LARP6: variants seen among roughly 807,000 people sequenced by gnomAD.
LARP6 encodes la-related protein 6.
Under a neutral mutation model 32.8 loss-of-function variants are expected in LARP6, and 18 were observed. That is an observed-to-expected ratio of 0.55 (90% CI 0.38 to 0.81). LARP6 has a LOEUF of 0.81. LARP6 is among the 40% of genes least tolerant of loss of function. The pLI is 0.00. For synonymous variants in LARP6, 289 were observed against 267.2 expected, an observed-to-expected ratio of 1.08 and a Z score of -0.80; for missense variants, 598 against 663.1, an observed-to-expected ratio of 0.90 and a Z score of 1.08.
Position 70,832,161 on chromosome 15 carries a change from C to A in LARP6, c.1367G>T (p.Arg456Leu), listed in dbSNP as rs1166055685. The change falls in exon 3 of 3, where the codon CGG becomes CTG. Residue 456 changes from arginine to leucine, a missense_variant. This residue lies in a region of LARP6 where 368 missense variants were observed against 397.9 expected (regional missense o/e 0.92). Transcript: ENST00000299213. The stretch of plus-strand genomic sequence containing the variant: ...TAGCCCATCTGCAGTCTGCATCTTC[C>A]GGGAGAGCAGGGGACTCGTACCGGG... ...KSPGTSPLLS[R>L]KMQTADGLPV... is the part of the protein sequence containing the mutation. The A allele has an allele frequency of 6.2e-7, 1 of 1,613,332 alleles. No individual in the cohort carries two copies.
intron 1 of LARP6, among the ~76,000 whole-genome samples, chr15:70,837,048 A>G (rs1430095927): frequency 6.6e-6 from 1 of 152,144 alleles, no homozygotes; most frequent in East Asian, 1.9e-4. Context: ...TAAGAAGTCA[A>G]TCTTTCATTT....
chr15:70,849,783 G>T (rs1358027386), intron 1 of LARP6: 1 of 152,138 alleles, frequency 6.6e-6, no homozygotes, highest in Non-Finnish European at 1.5e-5. Flanking sequence ...ATAAGCTTGA[G>T]GAAGAGCCCT....
chr15:70,841,236 T>TCTAATGCTTATTCCA (rs2032253032), intron 1 of LARP6, among the ~76,000 whole-genome samples: 1 of 152,156 alleles, frequency 6.6e-6, no homozygotes. Context: ...TCTCAATCTC[T>TCTAATGCTTATTCCA]CTAATGCTTA....
In LARP6 at chr15:70,830,689, G is replaced by T. The variant is rs1205645114; in HGVS notation, c.*1363C>A. 2 of 152,298 alleles carry T rather than the reference G, an allele frequency of 1.3e-5. No homozygotes were observed. Among genetic ancestry groups the T allele is most frequent in the East Asian group, 3.9e-4 (2 of 5,182 alleles). The allele number at this position is 152,298 out of a possible 1,614,324, so 9.4% of individuals were successfully genotyped here. ...GGGCAGATTAAATGAGATAATGCAT[G>T]GAAAGCTCTTAGCATAGTCCCTGGC... On this transcript the variant is annotated 3_prime_UTR_variant, in exon 3 of 3. Coordinates refer to ENST00000299213, the MANE Select transcript of LARP6 (RefSeq NM_018357.4).
chr15:70,849,496 C>T (rs2032409324), intron 1 of LARP6: 1 of 152,206 alleles, frequency 6.6e-6, no homozygotes, highest in Admixed American at 6.5e-5. Context: ...TTTCTAAATA[C>T]TTTCTTACTG....
chr15:70,832,122 A>T lies in LARP6; in HGVS notation c.1406T>A (p.Leu469Gln). 1 of 1,597,470 alleles carries T rather than the reference A, an allele frequency of 6.3e-7. No homozygotes were observed. ...QTADGLPVGV[L>Q]RLPRGPDNTR... Reference sequence around the variant, plus strand: ...GTTGTCAGGACCCCTGGGCAACCTCAGCACCCCTACGGGTAGCCCATCTGC... The same window carrying T: ...GTTGTCAGGACCCCTGGGCAACCTCTGCACCCCTACGGGTAGCCCATCTGC... The change falls in exon 3 of 3, where the codon CTG becomes CAG. Residue 469 changes from leucine to glutamine, a missense_variant. By Grantham distance (113) the Leu-to-Gln change is moderately radical. Transcript: ENST00000299213.
At chr15:70,852,381 G>A (rs986581678) in intron 1 of LARP6, 5 of 423,072 alleles carry the variant, frequency 1.2e-5, no homozygotes, top group Non-Finnish European at 2.4e-5. Context: ...CCCATACTGA[G>A]GCTTGGTTTC....
chr15:70,832,864 CA>C lies in LARP6; in HGVS notation c.663del (p.Phe221LeufsTer56). 1.2e-6 allele frequency: 2 copies of C among 1,611,526 alleles called. No individual in the cohort carries two copies. Among genetic ancestry groups the C allele is most frequent in the Non-Finnish European group, 1.7e-6 (2 of 1,179,126 alleles). ...EKVMEHLLKL[F>X]GTFGVISSVR... ...ACTGATGAGATGACTCCAAAAGTCC[CA>C]AAAAGCTTGAGCAGGTGTTCCATCA... On this transcript the variant is annotated frameshift_variant, in exon 3 of 3. Transcript: ENST00000299213. LOFTEE classifies it high-confidence loss of function.
chr15:70,840,181 T>A lies in LARP6; in HGVS notation c.201-3676A>T, dbSNP rs146065491. On this transcript the variant is annotated intron_variant, in intron 1 of 2. Coordinates refer to ENST00000299213, the MANE Select transcript of LARP6 (RefSeq NM_018357.4). ...ACAACCAATAGGATGAAAAAGGAGA[T>A]GCAAGATGGACAGAACAAATTTCAC... 9.8e-5 allele frequency among the ~76,000 whole-genome samples: 15 copies of A among 152,292 alleles called. No homozygotes were observed. The East Asian group carries it at 2.7e-3, about 27-fold the overall frequency.
At chr15:70,841,193 G>C (rs927444273) in intron 1 of LARP6, among the ~76,000 whole-genome samples, 4 of 152,164 alleles carry the variant, frequency 2.6e-5, no homozygotes, top group Admixed American at 2.6e-4. Flanking sequence ...GATTACAGGC[G>C]TGAGCCACCG....
At position 70,854,138 on chromosome 15, in the gene LARP6, C is replaced by G; in HGVS notation, c.-50G>C. The G allele has an allele frequency of 2.5e-6, 3 of 1,199,862 alleles. No individual in the cohort carries two copies. Among genetic ancestry groups the G allele is most frequent in the Middle Eastern group, 3.2e-4 (1 of 3,136 alleles). The allele number at this position is 1,199,862 out of a possible 1,614,324, so 74.3% of individuals were successfully genotyped here. On this transcript the variant is annotated 5_prime_UTR_variant, in exon 1 of 3. Coordinates refer to ENST00000299213, the MANE Select transcript of LARP6 (RefSeq NM_018357.4). The stretch of plus-strand genomic sequence containing the variant: ...GGGGTCCTCACGCCGCAAGGCCCAG[C>G]CAGCCGGTCGGCAGCGACTGCGACG...
Position 70,832,979 on chromosome 15 carries a change from G to T in LARP6, c.549C>A (p.Ser183Arg). 6.2e-7 allele frequency: 1 copy of T among 1,611,774 alleles called. No individual in the cohort carries two copies. The highest frequency in any genetic ancestry group is 2.2e-5 in the East Asian group (1 of 44,854). Reference sequence around the variant, plus strand: ...AGAGATCATAGACCAGGAGCATCTTGCTGGGGAGGTTCTCGTTGGGGAACA... The same window carrying T: ...AGAGATCATAGACCAGGAGCATCTTTCTGGGGAGGTTCTCGTTGGGGAACA... ...VPLFPNENLP[S>R]KMLLVYDLYL... The change falls in exon 3 of 3, where the codon AGC becomes AGA. Residue 183 changes from serine (S) to arginine (R), a missense_variant. By Grantham distance (110) the Ser-to-Arg change is moderately radical. Coordinates refer to ENST00000299213, the MANE Select transcript of LARP6 (RefSeq NM_018357.4).
intron 1 of LARP6, among the ~76,000 whole-genome samples, chr15:70,838,255 C>A (rs935620576): frequency 6.6e-6 from 1 of 152,182 alleles, no homozygotes; most frequent in Non-Finnish European, 1.5e-5. Flanking sequence ...CTGCATCTCA[C>A]TTCAGTTCTA....
Position 70,836,517 on chromosome 15 carries a change from A to G in LARP6, c.201-12T>C, listed in dbSNP as rs768712264. On this transcript the variant is annotated splice_polypyrimidine_tract_variant and intron_variant, in intron 1 of 2. Coordinates refer to ENST00000299213, the MANE Select transcript of LARP6 (RefSeq NM_018357.4). ...TTGCAGTGGTGCCACTGAGACCAGA[A>G]GGAGACACCGGGTGTTAGGGTCAAC... is the stretch of plus-strand genomic sequence containing the variant. 2 of 1,611,890 alleles carry G rather than the reference A, an allele frequency of 1.2e-6. No homozygotes were observed. The highest frequency in any genetic ancestry group is 2.2e-5 in the South Asian group (2 of 91,024).
At chr15:70,841,062 C>T (rs953259997) in intron 1 of LARP6, among the ~76,000 whole-genome samples, 4 of 151,688 alleles carry the variant, frequency 2.6e-5, no homozygotes, top group African/African-American at 7.3e-5. Flanking sequence ...TACAGGCGCC[C>T]GCCACCGCGC....
chr15:70,840,524 G>C (rs1460162230), intron 1 of LARP6, among the ~76,000 whole-genome samples: 1 of 152,188 alleles, frequency 6.6e-6, no homozygotes, highest in Non-Finnish European at 1.5e-5. Flanking sequence ...TGGGTGACAA[G>C]AGCGAAACTC....
rs771366776 is a variant in LARP6 at position 70,836,369 on chromosome 15, C to T, written c.337G>A (p.Ala113Thr). Reference protein sequence around the residue: ...YFSDENLEKDAFLLKHVRRNK... With the variant: ...YFSDENLEKDTFLLKHVRRNK... ...CTCCTCACGTGTTTTAGCAAAAAGGCGTCCTTCTCCAGGTTTTCATCAGAA... is the reference window on the plus strand; with the variant it reads ...CTCCTCACGTGTTTTAGCAAAAAGGTGTCCTTCTCCAGGTTTTCATCAGAA... The change falls in exon 2 of 3, where the codon GCC becomes ACC. Residue 113 changes from alanine (A) to threonine (T), a missense_variant. Coordinates refer to ENST00000299213, the MANE Select transcript of LARP6 (RefSeq NM_018357.4). The T allele has an allele frequency of 2.1e-5, 34 of 1,613,994 alleles. No homozygotes were observed. In the South Asian group the frequency reaches 2.5e-4, roughly 12 times the overall value.
chr15:70,832,000 C>G lies in LARP6; in HGVS notation c.*52G>C. The stretch of plus-strand genomic sequence containing the variant: ...TGTCATGCCAGGTGTTTGTCAGAAC[C>G]TTGAAAACGAAGGTGGTTTTCAGTG... On this transcript the variant is annotated 3_prime_UTR_variant, in exon 3 of 3. Coordinates refer to ENST00000299213, the MANE Select transcript of LARP6 (RefSeq NM_018357.4). The G allele has an allele frequency of 7.6e-7, 1 of 1,308,998 alleles. No homozygotes were observed. The highest frequency in any genetic ancestry group is 1.0e-6 in the Non-Finnish European group (1 of 968,916). 81.1% of individuals were successfully genotyped at this position (1,308,998 alleles called of 1,614,324 possible).
rs754948668 is a variant in LARP6, at chr15:70,832,922, G to C, written c.606C>G (p.Thr202=). The change falls in exon 3 of 3, where the codon ACC becomes ACG. Residue 202 remains threonine, a synonymous_variant. Transcript: ENST00000299213. The part of the protein sequence containing the change: ...YLSPKLWALA[T]PQKNGRVQEK... Reference sequence around the variant, plus strand: ...CTTGCACCCTTCCATTCTTCTGGGGGGTGGCCAGAGCCCACAGCTTAGGAG... The same window carrying C: ...CTTGCACCCTTCCATTCTTCTGGGGCGTGGCCAGAGCCCACAGCTTAGGAG... 1 of 1,601,766 alleles carries C rather than the reference G, an allele frequency of 6.2e-7. No homozygotes were observed. The highest frequency in any genetic ancestry group is 1.1e-5 in the South Asian group (1 of 88,896).
Sources: gnomAD v4.1 joint callset for allele counts (sites outside exome capture counted in the v4.1 genomes callset) on GRCh38, gnomAD v4.1.1 for gene constraint, gnomAD v4.1.1 regional missense constraint, MANE v1.5 for transcripts, NCBI Gene and HGNC (gene_info 2026-07-23, HGNC 2026-07-21) for gene names.